The following ATG10 variants were observed in gnomAD, a reference collection of about 807,000 sequenced individuals.
The protein encoded by ATG10 is autophagy related 10.
In ATG10, 30 loss-of-function variants were observed where a neutral mutation model predicts 32.1. The observed-to-expected ratio is 0.94, with a 90% CI of 0.70 to 1.27. ATG10 has a LOEUF of 1.27. Ranked by LOEUF, ATG10 falls within the 50% of genes most tolerant of loss-of-function variation. ATG10 has a pLI of 0.00. For missense variants in ATG10, 233 were observed against 262.3 expected, an observed-to-expected ratio of 0.89 and a Z score of 0.77; for synonymous variants, 87 against 91.5, an observed-to-expected ratio of 0.95 and a Z score of 0.28.
chr5:82,048,437 C>T (rs889369345), intron 2 of ATG10, among the ~76,000 whole-genome samples: 2 of 151,708 alleles, frequency 1.3e-5, no homozygotes, highest in Admixed American at 1.3e-4. Context: ...CCTTCACATC[C>T]CTTGTAAGTT....
intron 2 of ATG10, among the ~76,000 whole-genome samples, chr5:82,045,429 C>T (rs1428419217): frequency 6.6e-6 from 1 of 151,998 alleles, no homozygotes; most frequent in Non-Finnish European, 1.5e-5. Flanking sequence ...ACTCATGGAA[C>T]TGAAGGAGAG....
chr5:82,074,310 A>G (rs888862151), intron 3 of ATG10, among the ~76,000 whole-genome samples: 1 of 152,204 alleles, frequency 6.6e-6, no homozygotes, highest in Non-Finnish European at 1.5e-5. Context: ...GCCATCTCAC[A>G]ATGTGAAAAC....
intron 5 of ATG10, among the ~76,000 whole-genome samples, chr5:82,188,635 A>G (rs892060068): frequency 3.3e-5 from 5 of 152,066 alleles, no homozygotes; most frequent in Non-Finnish European, 2.9e-5. Context: ...TACACAATAA[A>G]GCAACAGCTT....
chr5:82,232,455 T>G (rs1746400100), intron 5 of ATG10, among the ~76,000 whole-genome samples: 1 of 152,220 alleles, frequency 6.6e-6, no homozygotes, highest in Non-Finnish European at 1.5e-5. Context: ...CGACCTTGGA[T>G]AAGCCATTCC....
At chr5:82,174,893 C>T (rs925717617) in intron 4 of ATG10, among the ~76,000 whole-genome samples, 1 of 152,084 alleles carries the variant, frequency 6.6e-6, no homozygotes, top group East Asian at 1.9e-4. Flanking sequence ...CCGTTATGGG[C>T]CTAGAAGAAG....
chr5:82,058,301 G>C (rs1763664602), intron 2 of ATG10, among the ~76,000 whole-genome samples, 194 bp from the exon 3 acceptor site: 1 of 152,116 alleles, frequency 6.6e-6, no homozygotes, highest in Non-Finnish European at 1.5e-5. Context: ...AAGAGAGGTA[G>C]GAGAATAAAA....
intron 2 of ATG10, among the ~76,000 whole-genome samples, chr5:82,025,736 CT>C (rs1455826799): frequency 1.3e-5 from 2 of 152,100 alleles, no homozygotes; most frequent in Non-Finnish European, 2.9e-5. Flanking sequence ...CCTAGATTCA[CT>C]AATTATTTTG....
intron 1 of ATG10, among the ~76,000 whole-genome samples, chr5:81,979,808 T>G (rs995089225): frequency 1.3e-5 from 2 of 150,706 alleles, no homozygotes; most frequent in Non-Finnish European, 2.9e-5. Context: ...TTTAGAAACA[T>G]GGTGAATTCT....
chr5:82,057,721 G>C (rs959698987), intron 2 of ATG10, among the ~76,000 whole-genome samples: 1 of 152,022 alleles, frequency 6.6e-6, no homozygotes, highest in Non-Finnish European at 1.5e-5. Context: ...AATGGAACTG[G>C]CCACAATTAG....
At chr5:81,985,409 T>C (rs1454538921) in intron 1 of ATG10, among the ~76,000 whole-genome samples, 3 of 152,338 alleles carry the variant, frequency 2.0e-5, no homozygotes, top group South Asian at 4.1e-4. Flanking sequence ...AACGTTGATA[T>C]AGAATCGGTA....
intron 3 of ATG10, among the ~76,000 whole-genome samples, chr5:82,094,935 C>T (rs563061387): frequency 3.3e-5 from 5 of 152,114 alleles, no homozygotes; most frequent in African/African-American, 4.8e-5. Context: ...TACAAACACA[C>T]GAACACATGC....
intron 2 of ATG10, among the ~76,000 whole-genome samples, chr5:82,057,840 T>C (rs576379875): frequency 6.6e-6 from 1 of 152,246 alleles, no homozygotes; most frequent in African/African-American, 2.4e-5. Context: ...CAAATGGTGG[T>C]CATTTCTTCA....
intron 3 of ATG10, among the ~76,000 whole-genome samples, chr5:82,125,514 C>T (rs1375502688): frequency 6.6e-6 from 1 of 152,128 alleles, no homozygotes. Context: ...TTCCCAACAC[C>T]ATTTATGAAA....
At chr5:82,030,040 G>A (rs1399699057) in intron 2 of ATG10, among the ~76,000 whole-genome samples, 3 of 152,146 alleles carry the variant, frequency 2.0e-5, no homozygotes. Flanking sequence ...CTAACCACCA[G>A]TCTCCTTCTA....
chr5:82,209,061 G>GT (rs1286236384), intron 5 of ATG10, among the ~76,000 whole-genome samples: 5 of 151,866 alleles, frequency 3.3e-5, no homozygotes, highest in Non-Finnish European at 7.4e-5. Flanking sequence ...CTCTGCAGGA[G>GT]TTTATGTTTT....
chr5:82,069,240 A>C (rs1764045382), intron 3 of ATG10, among the ~76,000 whole-genome samples: 1 of 152,180 alleles, frequency 6.6e-6, no homozygotes, highest in African/African-American at 2.4e-5. Flanking sequence ...GGCAAGCTTC[A>C]GATATTAAAA....
intron 2 of ATG10, among the ~76,000 whole-genome samples, chr5:82,026,341 T>C (rs1762593922): frequency 6.6e-6 from 1 of 152,220 alleles, no homozygotes; most frequent in Admixed American, 6.5e-5. Flanking sequence ...TCGAATAATA[T>C]TGTATATACG....
chr5:82,013,430 G>T (rs1237544210), intron 2 of ATG10, among the ~76,000 whole-genome samples: 5 of 152,250 alleles, frequency 3.3e-5, no homozygotes, highest in Middle Eastern at 3.4e-3. Flanking sequence ...TAGTATTTGG[G>T]CTGGTTTCAT....
At chr5:82,193,450 G>T (rs536638647) in intron 5 of ATG10, among the ~76,000 whole-genome samples, 1 of 152,262 alleles carries the variant, frequency 6.6e-6, no homozygotes, top group South Asian at 2.1e-4. Context: ...GCCTCACACG[G>T]CAGTTTGGGT....
Sources: gnomAD v4.1 joint callset for allele counts (sites outside exome capture counted in the v4.1 genomes callset) on GRCh38, gnomAD v4.1.1 for gene constraint, MANE v1.5 for transcripts, NCBI Gene and HGNC (gene_info 2026-07-23, HGNC 2026-07-21) for gene names.